The following FSIP1 variants were observed in gnomAD, a reference collection of about 807,000 sequenced individuals.
FSIP1 encodes the protein fibrous sheath-interacting protein 1.
FSIP1 carries 65 observed loss-of-function variants against 60.9 expected under a neutral mutation model. That is an observed-to-expected ratio of 1.07 (90% CI 0.87 to 1.31). The LOEUF (loss-of-function observed/expected upper bound fraction) is 1.31. FSIP1 is among the 40% of genes most tolerant of loss of function. FSIP1 has a pLI of 0.00. For missense variants in FSIP1, 675 were observed against 665.5 expected (o/e 1.01, Z -0.16); for synonymous variants, 209 against 221.2 (o/e 0.94, Z 0.49).
intron 1 of FSIP1, among the ~76,000 whole-genome samples, chr15:39,779,765 G>A (rs1898187933): frequency 6.6e-6 from 1 of 152,134 alleles, no homozygotes; most frequent in African/African-American, 2.4e-5. Context: ...GTTTTTCATA[G>A]AGGCTTCTGA....
intron 1 of FSIP1, among the ~76,000 whole-genome samples, chr15:39,782,314 T>C (rs1384012952): frequency 6.6e-6 from 1 of 152,270 alleles, no homozygotes; most frequent in East Asian, 1.9e-4. Context: ...ATTTGCATCC[T>C]TTGCCGTTTA....
rs1231125404 is a variant in FSIP1, at chr15:39,612,232, A to G, written c.1699+5503T>C. ...CACATTCTTCTCAAGCACACATGGG[A>G]CATTCTCCAGGATAGGCCACAAAAC... On this transcript the variant is annotated intron_variant, in intron 11 of 11. Coordinates refer to ENST00000350221, the MANE Select transcript of FSIP1 (RefSeq NM_152597.5). Among the ~76,000 whole-genome samples, 4 of 152,344 alleles carry G rather than the reference A, an allele frequency of 2.6e-5. No individual in the cohort carries two copies. In the East Asian group the frequency reaches 7.7e-4, roughly 29 times the overall value.
In FSIP1 at chr15:39,763,888, T is replaced by C. The variant is rs1897589103; in HGVS notation, c.492A>G (p.Gln164=). ...IKSAKYSEAW[Q]SKEEMENTKK... Reference sequence around the variant, plus strand: ...TTGTATTTTCCATCTCCTCTTTACTTTGCCAAGCTTCACTATATTTTGCAG... The same window carrying C: ...TTGTATTTTCCATCTCCTCTTTACTCTGCCAAGCTTCACTATATTTTGCAG... The change falls in exon 5 of 12, where the codon CAA becomes CAG. Residue 164 remains glutamine (Q), a synonymous_variant. Transcript: ENST00000350221. The C allele has an allele frequency of 6.3e-7, 1 of 1,596,470 alleles. No individual in the cohort carries two copies. Among genetic ancestry groups the C allele is most frequent in the Non-Finnish European group, 8.6e-7 (1 of 1,164,854 alleles).
chr15:39,651,462 AT>A (rs1342193667), intron 10 of FSIP1, among the ~76,000 whole-genome samples: 1 of 152,230 alleles, frequency 6.6e-6, no homozygotes, highest in Non-Finnish European at 1.5e-5. Context: ...GCTCTAATGA[AT>A]GAAAAGTGCA....
chr15:39,738,256 G>GAA, intron 7 of FSIP1, 55 bp from the exon 8 acceptor site: 17 of 988,812 alleles, frequency 1.7e-5, no homozygotes, highest in South Asian at 5.2e-5. Context: ...CACAGTTCAG[G>GAA]AAAAAAAAAA....
At chr15:39,699,852 T>C (rs1894986573) in intron 10 of FSIP1, among the ~76,000 whole-genome samples, 1 of 152,158 alleles carries the variant, frequency 6.6e-6, no homozygotes, top group African/African-American at 2.4e-5. Context: ...CACTAGAAGA[T>C]ATTTTTTTAA....
chr15:39,598,013 A>G (rs1458012260), downstream of FSIP1: 1 of 152,228 alleles, frequency 6.6e-6, no homozygotes, highest in Non-Finnish European at 1.5e-5. Flanking sequence ...ATCAAAAAAG[A>G]AGACTAAAAA....
chr15:39,724,353 G>A (rs1199063757), intron 9 of FSIP1, among the ~76,000 whole-genome samples: 2 of 151,312 alleles, frequency 1.3e-5, no homozygotes, highest in Non-Finnish European at 2.9e-5. Context: ...CCGAGTTCAC[G>A]CCATTCTCCT....
intron 5 of FSIP1, among the ~76,000 whole-genome samples, chr15:39,755,568 T>G (rs1897276393): frequency 6.6e-6 from 1 of 152,100 alleles, no homozygotes. Flanking sequence ...ACCAAAATCC[T>G]TGCCTGTGTC....
intron 10 of FSIP1, among the ~76,000 whole-genome samples, chr15:39,645,145 T>G (rs192744126): frequency 6.6e-6 from 1 of 152,354 alleles, no homozygotes; most frequent in Non-Finnish European, 1.5e-5. Context: ...CAAGTATTGA[T>G]GAGGGCATGG....
chr15:39,597,623 G>C (rs1453836766), downstream of FSIP1: 1 of 152,100 alleles, frequency 6.6e-6, no homozygotes, highest in Admixed American at 6.5e-5. Flanking sequence ...AGACTGAGTT[G>C]CTCAGGCCTA....
intron 10 of FSIP1, among the ~76,000 whole-genome samples, chr15:39,677,408 G>A (rs952342793): frequency 6.6e-6 from 1 of 151,956 alleles, no homozygotes; most frequent in Non-Finnish European, 1.5e-5. Context: ...TAAGAACAGG[G>A]ACTGTCTTAT....
At chr15:39,674,389 G>C (rs4591113) in intron 10 of FSIP1, among the ~76,000 whole-genome samples, 95,356 of 152,036 alleles carry the variant, frequency 0.63, 31,503 homozygotes, top group Non-Finnish European at 0.75. Flanking sequence ...ATCGTACATG[G>C]GTCGTTCATG....
chr15:39,618,972 T>C lies in FSIP1; in HGVS notation c.1189-727A>G, dbSNP rs79035949. ...AAAAAATGTCTACTTCCCCAAAAAA[T>C]CAGTGTCTTCCATGGTTTACATGTG... On this transcript the variant is annotated intron_variant, in intron 10 of 11. Transcript: ENST00000350221. 6.3e-3 allele frequency among the ~76,000 whole-genome samples: 962 copies of C among 152,152 alleles called. 46 individuals carry two copies. Among genetic ancestry groups the C allele is most frequent in the Admixed American group, 0.055 (841 of 15,284 alleles).
chr15:39,663,857 T>G (rs1426314847), intron 10 of FSIP1, among the ~76,000 whole-genome samples: 1 of 152,202 alleles, frequency 6.6e-6, no homozygotes, highest in Non-Finnish European at 1.5e-5. Context: ...AAACTCTACT[T>G]CATCGGCAAG....
At chr15:39,659,133 A>C (rs186713896) in intron 10 of FSIP1, among the ~76,000 whole-genome samples, 4 of 152,218 alleles carry the variant, frequency 2.6e-5, no homozygotes, top group Non-Finnish European at 4.4e-5. Flanking sequence ...GAAAAAAATC[A>C]GTGGTTATGC....
At chr15:39,772,302 A>G (rs1245615965) in intron 2 of FSIP1, among the ~76,000 whole-genome samples, 2 of 151,974 alleles carry the variant, frequency 1.3e-5, no homozygotes, top group African/African-American at 4.8e-5. Flanking sequence ...ATAAATATAT[A>G]TATACATTTG....
In FSIP1 at chr15:39,621,859, C is replaced by T. The variant is rs569868445; in HGVS notation, c.1189-3614G>A. On this transcript the variant is annotated intron_variant, in intron 10 of 11. Coordinates refer to ENST00000350221, the MANE Select transcript of FSIP1 (RefSeq NM_152597.5). ...GCAATACAGATTGGAAACTTCAACA[C>T]GACCCATCTTTCTCATCTTTTGATT... 1.3e-3 allele frequency among the ~76,000 whole-genome samples: 194 copies of T among 152,318 alleles called. 2 individuals are homozygous for T. The highest frequency in any genetic ancestry group is 3.2e-3 in the African/African-American group (133 of 41,554).
intron 9 of FSIP1, among the ~76,000 whole-genome samples, chr15:39,725,372 G>C (rs181665008): frequency 1.4e-4 from 22 of 152,346 alleles, no homozygotes; most frequent in Middle Eastern, 3.4e-3. Context: ...GCTGTTTAAA[G>C]GGTCAGAAGC....
Sources: gnomAD v4.1 joint callset for allele counts (sites outside exome capture counted in the v4.1 genomes callset) on GRCh38, gnomAD v4.1.1 for gene constraint, MANE v1.5 for transcripts, NCBI Gene and HGNC (gene_info 2026-07-23, HGNC 2026-07-21) for gene names.